The following POFUT3 variants were observed in gnomAD, a reference collection of about 807,000 sequenced individuals.
POFUT3 encodes GDP-fucose protein O-fucosyltransferase 3.
the POFUT3 span, among the ~76,000 whole-genome samples, chr8:33,385,827 T>C: frequency 6.6e-6 from 1 of 151,840 alleles, no homozygotes; most frequent in African/African-American, 2.4e-5. Context: ...AAATAAAAAA[T>C]GAAACATACT....
chr8:33,317,471 T>A, the POFUT3 span, among the ~76,000 whole-genome samples: 3 of 152,130 alleles, frequency 2.0e-5, no homozygotes, highest in Non-Finnish European at 4.4e-5. Flanking sequence ...AATCTTTGAA[T>A]CTACCTATGA....
At chr8:33,471,057 A>G in the POFUT3 span, among the ~76,000 whole-genome samples, 5 of 152,178 alleles carry the variant, frequency 3.3e-5, no homozygotes, top group African/African-American at 4.8e-5. Context: ...TTTCATTATC[A>G]AAGAAAAAAA....
At chr8:33,408,024 G>GA in the POFUT3 span, among the ~76,000 whole-genome samples, 3 of 146,876 alleles carry the variant, frequency 2.0e-5, no homozygotes, top group Non-Finnish European at 3.0e-5. Flanking sequence ...AAGAAAGAAA[G>GA]AAAAAAACAT....
the POFUT3 span, among the ~76,000 whole-genome samples, chr8:33,313,998 G>A: frequency 5.3e-5 from 8 of 152,164 alleles, no homozygotes; most frequent in East Asian, 1.9e-4. Flanking sequence ...CACACAGCAC[G>A]TAATGACCTC....
At chr8:33,322,544 C>G in the POFUT3 span, among the ~76,000 whole-genome samples, 1 of 151,960 alleles carries the variant, frequency 6.6e-6, no homozygotes, top group Non-Finnish European at 1.5e-5. Context: ...GGTTGTCAGG[C>G]TAATTGGGAT....
chr8:33,365,042 T>C, the POFUT3 span, among the ~76,000 whole-genome samples: 1 of 152,216 alleles, frequency 6.6e-6, no homozygotes, highest in African/African-American at 2.4e-5. Context: ...AACAGCATGG[T>C]ACTGGTACCA....
At chr8:33,380,019 A>G in the POFUT3 span, among the ~76,000 whole-genome samples, 4 of 86,218 alleles carry the variant, frequency 4.6e-5, 1 homozygote, top group African/African-American at 1.1e-4. Flanking sequence ...TATATAGTAT[A>G]TATATATACT....
At chr8:33,439,695 G>A in the POFUT3 span, among the ~76,000 whole-genome samples, 3 of 151,616 alleles carry the variant, frequency 2.0e-5, no homozygotes, top group East Asian at 3.9e-4. Flanking sequence ...GTGAAACTCC[G>A]TCTCTACTAA....
At chr8:33,381,887 C>G in the POFUT3 span, among the ~76,000 whole-genome samples, 16 of 152,318 alleles carry the variant, frequency 1.1e-4, no homozygotes, top group African/African-American at 3.1e-4. Context: ...CTAATCTAAA[C>G]TGTAAGCCCT....
chr8:33,391,360 G>A, the POFUT3 span, among the ~76,000 whole-genome samples: 1 of 152,168 alleles, frequency 6.6e-6, no homozygotes, highest in Non-Finnish European at 1.5e-5. Flanking sequence ...TCAATCTTTG[G>A]CAATGACGTA....
At chr8:33,326,200 G>T in the POFUT3 span, among the ~76,000 whole-genome samples, 1 of 152,092 alleles carries the variant, frequency 6.6e-6, no homozygotes, top group Non-Finnish European at 1.5e-5. Flanking sequence ...GAAATCTCCA[G>T]ATCCAAATTC....
chr8:33,418,928 A>G, the POFUT3 span, among the ~76,000 whole-genome samples: 122,335 of 152,220 alleles, frequency 0.8, 49,634 homozygotes, highest in African/African-American at 0.91. Context: ...TTGCAGCAAC[A>G]TGGATGGAAC....
chr8:33,469,543 T>C, the POFUT3 span, among the ~76,000 whole-genome samples: 1 of 152,130 alleles, frequency 6.6e-6, no homozygotes, highest in Non-Finnish European at 1.5e-5. Flanking sequence ...GACTGGTGAT[T>C]AATGGGGAAA....
the POFUT3 span, among the ~76,000 whole-genome samples, chr8:33,315,705 C>T: frequency 6.6e-6 from 1 of 152,082 alleles, no homozygotes; most frequent in African/African-American, 2.4e-5. Context: ...TGGAGGACAT[C>T]TGCAGTCATG....
At chr8:33,313,145 C>T in the POFUT3 span, among the ~76,000 whole-genome samples, 7 of 152,096 alleles carry the variant, frequency 4.6e-5, no homozygotes, top group Non-Finnish European at 8.8e-5. Context: ...ACAAAGCATG[C>T]CAAGTGTTAA....
chr8:33,363,858 C>T, the POFUT3 span, among the ~76,000 whole-genome samples: 1 of 152,274 alleles, frequency 6.6e-6, no homozygotes, highest in African/African-American at 2.4e-5. Context: ...GGAGCTAGTA[C>T]CATTCCTTCT....
At chr8:33,415,465 T>C in the POFUT3 span, among the ~76,000 whole-genome samples, 1 of 151,998 alleles carries the variant, frequency 6.6e-6, no homozygotes. Flanking sequence ...ACAGGGACTA[T>C]GAAGGAGGGG....
the POFUT3 span, chr8:33,451,961 C>T: frequency 6.6e-6 from 1 of 152,114 alleles, no homozygotes; most frequent in Non-Finnish European, 1.5e-5. Context: ...CCAGTTACCT[C>T]CACCTGGTCC....
chr8:33,469,249 T>C, the POFUT3 span, among the ~76,000 whole-genome samples: 4 of 152,048 alleles, frequency 2.6e-5, no homozygotes, highest in Admixed American at 2.0e-4. Flanking sequence ...GAGTTTGCAA[T>C]GAGCCGAGAT....
Sources: gnomAD v4.1 joint callset for allele counts (sites outside exome capture counted in the v4.1 genomes callset) on GRCh38, gnomAD v4.1.1 for gene constraint, MANE v1.5 for transcripts, NCBI Gene and HGNC (gene_info 2026-07-23, HGNC 2026-07-21) for gene names.